NELL1: variants seen among roughly 807,000 people sequenced by gnomAD.
NELL1 encodes the protein neural EGFL like 1, also known as protein kinase C-binding protein NELL1.
A neutral mutation model predicts 107.4 loss-of-function variants in NELL1; 76 were observed. The observed-to-expected ratio is 0.71, with a 90% CI of 0.59 to 0.86. The LOEUF is 0.86. Among genes scored for constraint, NELL1 ranks in the 40% least tolerant of loss-of-function variants. The pLI is 0.00. For synonymous variants in NELL1, 353 were observed against 341.2 expected (o/e 1.03, Z -0.38); for missense variants, 1,024 against 1,005.5 (o/e 1.02, Z -0.25).
intron 15 of NELL1, among the ~76,000 whole-genome samples, chr11:21,491,555 A>G (rs1854813531): frequency 6.6e-6 from 1 of 152,046 alleles, no homozygotes; most frequent in Admixed American, 6.6e-5. Flanking sequence ...CCATTGATCT[A>G]TATCTCTGTT....
chr11:20,972,516 A>G (rs2134231365), intron 12 of NELL1, among the ~76,000 whole-genome samples: 1 of 152,272 alleles, frequency 6.6e-6, no homozygotes, highest in Middle Eastern at 3.4e-3. Context: ...CTGAGACCGT[A>G]GCATGAGATA....
chr11:21,361,773 A>G (rs957336991), intron 14 of NELL1, among the ~76,000 whole-genome samples: 4 of 152,028 alleles, frequency 2.6e-5, no homozygotes, highest in South Asian at 4.2e-4. Flanking sequence ...GTTCTAGTCT[A>G]TTGTTGAATG....
At chr11:20,769,596 G>A (rs1388306428) in intron 2 of NELL1, 3 of 152,382 alleles carry the variant, frequency 2.0e-5, no homozygotes, top group Non-Finnish European at 2.9e-5. Context: ...GAATGGGTGA[G>A]TGATTGAATT....
At chr11:20,779,718 AAT>A (rs748449541) in intron 2 of NELL1, among the ~76,000 whole-genome samples, 5 of 152,348 alleles carry the variant, frequency 3.3e-5, no homozygotes, top group Non-Finnish European at 7.3e-5. Context: ...TAGGTTTCTT[AAT>A]AGATGGAATT....
intron 14 of NELL1, among the ~76,000 whole-genome samples, chr11:21,269,084 T>TAATGGAAACTTCTAA (rs1333450007): frequency 1.3e-5 from 2 of 151,838 alleles, no homozygotes; most frequent in African/African-American, 4.8e-5. Flanking sequence ...GAAGATATAT[T>TAATGGAAACTTCTAA]AATGGAAACT....
At chr11:21,072,013 A>G (rs1854027507) in intron 12 of NELL1, among the ~76,000 whole-genome samples, 1 of 152,122 alleles carries the variant, frequency 6.6e-6, no homozygotes, top group East Asian at 1.9e-4. Context: ...AAAATTTGGA[A>G]GCCACAATTT....
chr11:21,529,161 C>A (rs530973626), intron 15 of NELL1, among the ~76,000 whole-genome samples: 31 of 152,154 alleles, frequency 2.0e-4, no homozygotes, highest in African/African-American at 7.0e-4. Flanking sequence ...TTGCAGGAAG[C>A]CAGGCAGAAA....
intron 3 of NELL1, among the ~76,000 whole-genome samples, chr11:20,845,723 A>G (rs985286959): frequency 6.6e-6 from 1 of 152,158 alleles, no homozygotes; most frequent in South Asian, 2.1e-4. Flanking sequence ...GCACATGACA[A>G]TCATTCATTA....
At chr11:21,273,970 G>A (rs1167008060) in intron 14 of NELL1, among the ~76,000 whole-genome samples, 19 of 152,236 alleles carry the variant, frequency 1.2e-4, no homozygotes, top group South Asian at 2.1e-4. Flanking sequence ...AAAGACTATC[G>A]AGGCTAGGAA....
chr11:20,759,019 G>T (rs1197386328), intron 2 of NELL1, among the ~76,000 whole-genome samples: 1 of 152,214 alleles, frequency 6.6e-6, no homozygotes, highest in East Asian at 1.9e-4. Flanking sequence ...AAATCTGTGA[G>T]ATAGAGAATT....
At chr11:20,979,899 C>T (rs761266388) in intron 12 of NELL1, among the ~76,000 whole-genome samples, 1 of 152,106 alleles carries the variant, frequency 6.6e-6, no homozygotes, top group Admixed American at 6.5e-5. Context: ...CCCCATTTAT[C>T]ATTTTGGCTT....
intron 12 of NELL1, among the ~76,000 whole-genome samples, chr11:21,075,690 C>T (rs1423712984): frequency 6.6e-6 from 1 of 152,190 alleles, no homozygotes; most frequent in Non-Finnish European, 1.5e-5. Context: ...AAGTGATCCT[C>T]CTAAAGTGCT....
chr11:21,094,317 C>T (rs190204810), intron 12 of NELL1, among the ~76,000 whole-genome samples: 1 of 152,332 alleles, frequency 6.6e-6, no homozygotes, highest in East Asian at 1.9e-4. Context: ...TGTGGCTTTG[C>T]AGGGTACAGC....
At chr11:21,128,667 T>C (rs979521070) in intron 13 of NELL1, among the ~76,000 whole-genome samples, 1 of 152,210 alleles carries the variant, frequency 6.6e-6, no homozygotes, top group Non-Finnish European at 1.5e-5. Flanking sequence ...AGGCAGACCT[T>C]ATCCCTTACT....
chr11:20,984,322 G>GAAAATGAA (rs1235586863), intron 12 of NELL1, among the ~76,000 whole-genome samples: 1 of 152,108 alleles, frequency 6.6e-6, no homozygotes, highest in African/African-American at 2.4e-5. Flanking sequence ...GAAGATCTCT[G>GAAAATGAA]AAGCCAAACA....
intron 1 of NELL1, among the ~76,000 whole-genome samples, chr11:20,675,964 G>T (rs928919520): frequency 2.0e-5 from 3 of 151,912 alleles, no homozygotes; most frequent in Admixed American, 2.0e-4. Context: ...GCCCAGGCTG[G>T]CCTCAAACTC....
At chr11:20,761,034 T>C (rs1856408615) in intron 2 of NELL1, among the ~76,000 whole-genome samples, 1 of 152,192 alleles carries the variant, frequency 6.6e-6, no homozygotes, top group Non-Finnish European at 1.5e-5. Context: ...TGCTGCCTTA[T>C]TTATCTGCCA....
At chr11:21,091,224 AC>A (rs1455172040) in intron 12 of NELL1, among the ~76,000 whole-genome samples, 1 of 152,102 alleles carries the variant, frequency 6.6e-6, no homozygotes, top group Non-Finnish European at 1.5e-5. Context: ...GGTAGATTTT[AC>A]CCCCTCTATT....
intron 14 of NELL1, among the ~76,000 whole-genome samples, chr11:21,267,533 G>T (rs1384221919): frequency 6.6e-6 from 1 of 152,038 alleles, no homozygotes; most frequent in Non-Finnish European, 1.5e-5. Flanking sequence ...AAAACAGTTT[G>T]GGAGTTCTTT....
Sources: allele counts gnomAD v4.1 joint callset (sites outside exome capture counted in the v4.1 genomes callset), GRCh38; gene constraint gnomAD v4.1.1; transcripts MANE v1.5; gene names NCBI Gene and HGNC (gene_info 2026-07-23, HGNC 2026-07-21).